SLC9A8: variants seen among roughly 807,000 people sequenced by gnomAD.
SLC9A8 encodes solute carrier family 9 member A8.
SLC9A8 carries 48 observed loss-of-function variants against 66.6 expected under a neutral mutation model. The observed-to-expected ratio is 0.72, with a 90% confidence interval of 0.57 to 0.92. The LOEUF is 0.92. Among genes scored for constraint, SLC9A8 ranks in the 40% least tolerant of loss-of-function variants. The probability of loss-of-function intolerance (pLI) is 0.00; values close to 1 mark genes in which losing one functional copy is unlikely to be tolerated. For missense variants in SLC9A8, 599 were observed against 747.3 expected, an observed-to-expected ratio of 0.80 and a Z score of 2.31; for synonymous variants, 274 against 282.6, an observed-to-expected ratio of 0.97 and a Z score of 0.31.
intron 12 of SLC9A8, 121 bp from the exon 13 acceptor site, chr20:49,880,803 C>A: frequency 1.4e-6 from 1 of 690,154 alleles, no homozygotes; most frequent in Non-Finnish European, 2.6e-6. Flanking sequence ...TCTTTTGTGG[C>A]TGAGGGGAAT....
intron 7 of SLC9A8, 63 bp downstream of exon 7, chr20:49,850,907 C>T: frequency 7.9e-7 from 1 of 1,272,684 alleles, no homozygotes; most frequent in Non-Finnish European, 1.1e-6. Flanking sequence ...TGTTTCTCCA[C>T]ATTGCTTCCT....
chr20:49,883,001 CCCCCCCACCCCCCA>C (rs2089687582), intron 13 of SLC9A8, among the ~76,000 whole-genome samples: 4 of 140,056 alleles, frequency 2.9e-5, no homozygotes, highest in Admixed American at 2.8e-4. Flanking sequence ...GCACCATGCC[CCCCCCCACCCCCCA>C]CCCCCCTCCC....
intron 14 of SLC9A8, among the ~76,000 whole-genome samples, chr20:49,884,321 CACACACACACACACA>C (rs2089800597): frequency 2.1e-5 from 3 of 146,010 alleles, no homozygotes; most frequent in East Asian, 2.0e-4. Flanking sequence ...CACACACACA[CACACACACACACACA>C]CCCCCCGGTC....
intron 3 of SLC9A8, among the ~76,000 whole-genome samples, chr20:49,833,616 G>A (rs1600672949): frequency 1.3e-5 from 2 of 152,298 alleles, no homozygotes; most frequent in South Asian, 4.1e-4. Flanking sequence ...CTGCAGTAGT[G>A]CAGTCTCCTG....
intron 5 of SLC9A8, among the ~76,000 whole-genome samples, chr20:49,847,568 A>G (rs1468595345): frequency 6.6e-6 from 1 of 152,094 alleles, no homozygotes; most frequent in Non-Finnish European, 1.5e-5. Context: ...ACCCTCGCCC[A>G]AAGATGATAG....
At chr20:49,849,817 C>G (rs2146611617) in intron 6 of SLC9A8, 137 bp downstream of exon 6, 2 of 695,744 alleles carry the variant, frequency 2.9e-6, no homozygotes, top group Non-Finnish European at 5.0e-6. Flanking sequence ...GAAGGAAATC[C>G]TAGCTTCATA....
chr20:49,818,479 ATTTTTTTTTT>A (rs758928369), intron 2 of SLC9A8, among the ~76,000 whole-genome samples: 2 of 125,030 alleles, frequency 1.6e-5, no homozygotes, highest in Admixed American at 8.1e-5. Context: ...CAAACATTGA[ATTTTTTTTTT>A]TTTTTTTTTT....
chr20:49,831,400 A>ACTCT lies in SLC9A8; in HGVS notation c.290-8140_290-8139insTCTC, dbSNP rs1316099856. Among the ~76,000 whole-genome samples the ACTCT allele has an allele frequency of 9.3e-5, 13 of 139,940 alleles. No homozygotes were observed. In the South Asian group the frequency reaches 1.4e-3, roughly 15 times the overall value. 91.8% of individuals were successfully genotyped at this position (139,940 alleles called of 152,430 possible). ...GCTGTGTACACACACAAACACACAC[A>ACTCT]CACTCTCTCTCTCTCTCTCTCTCTC... On this transcript the variant is annotated intron_variant, in intron 3 of 15. Coordinates refer to ENST00000361573, the MANE Select transcript of SLC9A8 (RefSeq NM_015266.3).
At chr20:49,845,844 G>GT (rs953398144) in intron 5 of SLC9A8, among the ~76,000 whole-genome samples, 21 of 149,442 alleles carry the variant, frequency 1.4e-4, no homozygotes, top group Middle Eastern at 3.4e-3. Flanking sequence ...TTTTTGTTTT[G>GT]TTTTTTTTGA....
Position 49,815,046 on chromosome 20 carries a change from C to A in SLC9A8, c.65C>A (p.Thr22Asn). 1 of 1,602,404 alleles carries A rather than the reference C, an allele frequency of 6.2e-7. No individual in the cohort carries two copies. The highest frequency in any genetic ancestry group is 8.5e-7 in the Non-Finnish European group (1 of 1,174,128). Reference sequence around the variant, plus strand: ...ACAACTCATGAGGGTTTCAATGTCACCCTCCACACCACCCTGGTTGTCACG... The same window carrying A: ...ACAACTCATGAGGGTTTCAATGTCAACCTCCACACCACCCTGGTTGTCACG... ...PNTTHEGFNV[T>N]LHTTLVVTTK... The change falls in exon 2 of 16, where the codon ACC becomes AAC. Residue 22 changes from threonine (T) to asparagine (N), a missense_variant. Coordinates refer to ENST00000361573, the MANE Select transcript of SLC9A8 (RefSeq NM_015266.3).
chr20:49,849,521 C>A, intron 5 of SLC9A8, 58 bp from the exon 6 acceptor site: 1 of 1,373,608 alleles, frequency 7.3e-7, no homozygotes, highest in South Asian at 1.2e-5. Context: ...CAGGCCGTGC[C>A]TTCACTGACA....
chr20:49,874,184 G>C (rs1215403744), intron 10 of SLC9A8, among the ~76,000 whole-genome samples: 1 of 132,144 alleles, frequency 7.6e-6, no homozygotes, highest in East Asian at 2.3e-4. Flanking sequence ...AACCTGGGAG[G>C]CAGAGGTTGC....
intron 8 of SLC9A8, among the ~76,000 whole-genome samples, chr20:49,861,627 TC>T (rs564345256): frequency 1.2e-3 from 186 of 151,868 alleles, no homozygotes; most frequent in African/African-American, 4.2e-3. Context: ...TAGAAGGAGA[TC>T]AGTGAGACTT....
At chr20:49,850,619 C>G in intron 6 of SLC9A8, 191 bp from the exon 7 acceptor site, 1 of 594,548 alleles carries the variant, frequency 1.7e-6, no homozygotes, top group Non-Finnish European at 2.9e-6. Flanking sequence ...CTTTTCCATA[C>G]TCTCGTTGCA....
At chr20:49,826,800 G>C (rs964858855) in intron 3 of SLC9A8, among the ~76,000 whole-genome samples, 1 of 152,082 alleles carries the variant, frequency 6.6e-6, no homozygotes, top group African/African-American at 2.4e-5. Context: ...CTTGTTTATT[G>C]ACAATTATTT....
intron 10 of SLC9A8, among the ~76,000 whole-genome samples, chr20:49,866,792 CCTTTTTTT>C (rs1200282805): frequency 4.6e-5 from 7 of 152,068 alleles, no homozygotes; most frequent in Non-Finnish European, 8.8e-5. Flanking sequence ...ATATGCTTTG[CCTTTTTTT>C]CTTTTTTTCC....
intron 3 of SLC9A8, chr20:49,830,003 T>TGGCC: frequency 1.6e-6 from 1 of 633,400 alleles, no homozygotes; most frequent in South Asian, 1.4e-5. Flanking sequence ...TACCTTGAAG[T>TGGCC]GGATGATGGC....
Position 49,888,160 on chromosome 20 carries a change from C to A in SLC9A8, c.*224C>A. 2.1e-6 allele frequency: 1 copy of A among 472,828 alleles called. No homozygotes were observed. The highest frequency in any genetic ancestry group is 3.9e-6 in the Non-Finnish European group (1 of 256,386). The allele number at this position is 472,828 out of a possible 1,614,324, so 29.3% of individuals were successfully genotyped here. On this transcript the variant is annotated 3_prime_UTR_variant, in exon 16 of 16. Coordinates refer to ENST00000361573, the MANE Select transcript of SLC9A8 (RefSeq NM_015266.3). ...TGTCATCTCCCGACTCCTCCCTGAG[C>A]CAGCCTCCGCTCAGTGTGGCTCCTC...
intron 2 of SLC9A8, among the ~76,000 whole-genome samples, chr20:49,817,087 G>C (rs936170247): frequency 1.4e-4 from 21 of 151,282 alleles, no homozygotes; most frequent in Admixed American, 1.4e-3. Flanking sequence ...CAGCACTTTC[G>C]CGTGGATCAT....
Sources: gnomAD v4.1 joint callset for allele counts (sites outside exome capture counted in the v4.1 genomes callset) on GRCh38, gnomAD v4.1.1 for gene constraint, MANE v1.5 for transcripts, NCBI Gene and HGNC (gene_info 2026-07-23, HGNC 2026-07-21) for gene names.